ESRRG: variants seen among roughly 807,000 people sequenced by gnomAD.
The protein encoded by ESRRG is estrogen-related receptor gamma.
In ESRRG, 13 loss-of-function variants were observed where a neutral mutation model predicts 44.0. The ratio of observed to expected loss-of-function variants is 0.30; its 90% CI spans 0.19 to 0.47. ESRRG has a LOEUF of 0.47. Among genes scored for constraint, ESRRG ranks in the 20% least tolerant of loss-of-function variants. The probability of loss-of-function intolerance (pLI) is 1.00; values close to 1 mark genes in which losing one functional copy is unlikely to be tolerated. For synonymous variants in ESRRG, 215 were observed against 214.6 expected (o/e 1.00, Z -0.02); for missense variants, 395 against 580.6 (o/e 0.68, Z 3.29).
chr1:217,050,177 T>C (rs1405503240), intron 1 of ESRRG, among the ~76,000 whole-genome samples: 1 of 152,148 alleles, frequency 6.6e-6, no homozygotes, highest in East Asian at 1.9e-4. Flanking sequence ...TCTACAGTGA[T>C]GTGCCAAGAT....
chr1:216,527,611 C>A (rs2048063533), intron 5 of ESRRG, among the ~76,000 whole-genome samples: 1 of 152,072 alleles, frequency 6.6e-6, no homozygotes. Context: ...ATGTCAAAAC[C>A]TACAGCTCCA....
At chr1:216,877,027 T>C (rs1237515474) in intron 2 of ESRRG, among the ~76,000 whole-genome samples, 1 of 150,142 alleles carries the variant, frequency 6.7e-6, no homozygotes, top group Non-Finnish European at 1.5e-5. Context: ...CTATGAAGCA[T>C]GGAAGAATAA....
rs145462432 is a variant in ESRRG, at chr1:216,648,783, T to C, written c.589+2190A>G. 9.1e-4 allele frequency among the ~76,000 whole-genome samples: 139 copies of C among 152,240 alleles called. 1 individual carries two copies. The highest frequency in any genetic ancestry group is 3.0e-3 in the African/African-American group (124 of 41,554). ...ATCAATACAAGTGTTCATTGTTGTA[T>C]TAATTTTAGAACTTTTTAAAAAATG... On this transcript the variant is annotated intron_variant, in intron 3 of 6. Coordinates refer to ENST00000408911, the MANE Select transcript of ESRRG (RefSeq NM_001438.4).
chr1:216,511,967 A>G (rs2042856506), intron 6 of ESRRG, among the ~76,000 whole-genome samples: 1 of 152,228 alleles, frequency 6.6e-6, no homozygotes, highest in South Asian at 2.1e-4. Context: ...ATAAAGAGAA[A>G]TAATCAAGCA....
intron 1 of ESRRG, among the ~76,000 whole-genome samples, chr1:217,123,075 T>C (rs2092843023): frequency 6.6e-6 from 1 of 152,152 alleles, no homozygotes; most frequent in Non-Finnish European, 1.5e-5. Context: ...CCCAACTTGA[T>C]GCAAAACAGC....
chr1:216,581,299 A>G (rs1312795355), intron 3 of ESRRG, among the ~76,000 whole-genome samples: 1 of 152,218 alleles, frequency 6.6e-6, no homozygotes, highest in Admixed American at 6.5e-5. Context: ...CAGAAATCAC[A>G]TTATGTATAG....
chr1:216,584,458 G>A (rs899825482), intron 3 of ESRRG, among the ~76,000 whole-genome samples: 16 of 151,814 alleles, frequency 1.1e-4, no homozygotes, highest in Admixed American at 2.6e-4. Context: ...GGGTTTCACC[G>A]TGTTGGCCAG....
intron 6 of ESRRG, among the ~76,000 whole-genome samples, chr1:216,514,344 T>C (rs923274506): frequency 9.9e-5 from 15 of 152,164 alleles, no homozygotes; most frequent in African/African-American, 3.6e-4. Flanking sequence ...TGATTTCTTA[T>C]TTACCTGATA....
chr1:216,544,074 G>C (rs1461841509), intron 5 of ESRRG, among the ~76,000 whole-genome samples: 1 of 151,952 alleles, frequency 6.6e-6, no homozygotes. Flanking sequence ...AGACAAAATA[G>C]GTGGATGATG....
intron 1 of ESRRG, among the ~76,000 whole-genome samples, chr1:216,716,597 A>G (rs1013161601): frequency 6.6e-6 from 1 of 151,994 alleles, no homozygotes; most frequent in Non-Finnish European, 1.5e-5. Flanking sequence ...AAAAGTATAT[A>G]TGAAATTTTG....
intron 1 of ESRRG, among the ~76,000 whole-genome samples, chr1:216,971,827 T>C (rs1001359252): frequency 6.6e-6 from 1 of 152,162 alleles, no homozygotes; most frequent in Non-Finnish European, 1.5e-5. Flanking sequence ...TTGGTAGACA[T>C]TGTCTTCTTT....
intron 2 of ESRRG, among the ~76,000 whole-genome samples, chr1:216,881,363 C>A (rs904719058): frequency 6.6e-6 from 1 of 152,118 alleles, no homozygotes; most frequent in Admixed American, 6.5e-5. Context: ...GCATCAATAA[C>A]AATGGAAAGT....
At chr1:216,654,838 A>T (rs2070032904) in intron 2 of ESRRG, among the ~76,000 whole-genome samples, 1 of 152,200 alleles carries the variant, frequency 6.6e-6, no homozygotes, top group Non-Finnish European at 1.5e-5. Context: ...GGATAAGAAT[A>T]AAAGGAAAAC....
chr1:216,844,274 A>G (rs762084668), intron 2 of ESRRG, among the ~76,000 whole-genome samples: 5 of 152,144 alleles, frequency 3.3e-5, no homozygotes, highest in Non-Finnish European at 5.9e-5. Flanking sequence ...AGGAAGAACT[A>G]AATAGGTGGG....
chr1:216,952,090 T>G (rs2067060566), intron 1 of ESRRG, among the ~76,000 whole-genome samples: 1 of 152,102 alleles, frequency 6.6e-6, no homozygotes, highest in Non-Finnish European at 1.5e-5. Context: ...AATCAACTTG[T>G]GTAAACGATC....
chr1:216,945,145 C>G (rs1422584780), intron 1 of ESRRG, among the ~76,000 whole-genome samples: 1 of 151,884 alleles, frequency 6.6e-6, no homozygotes, highest in African/African-American at 2.4e-5. Context: ...AAAGCCTAAA[C>G]CCAAATGAAA....
At chr1:217,137,358 A>T (rs1024881931) in intron 1 of ESRRG, among the ~76,000 whole-genome samples, 4 of 152,190 alleles carry the variant, frequency 2.6e-5, no homozygotes, top group Admixed American at 2.6e-4. Flanking sequence ...GTTTGGAAAG[A>T]GTGGAAAAAT....
At chr1:217,136,266 T>C (rs553792478) in intron 1 of ESRRG, among the ~76,000 whole-genome samples, 9 of 152,154 alleles carry the variant, frequency 5.9e-5, no homozygotes, top group Admixed American at 1.3e-4. Flanking sequence ...CGCCAGGAGT[T>C]GGCGTTTTCC....
intron 3 of ESRRG, among the ~76,000 whole-genome samples, chr1:216,611,580 A>T (rs2060674633): frequency 6.6e-6 from 1 of 152,058 alleles, no homozygotes; most frequent in South Asian, 2.1e-4. Context: ...ATCAGTATTG[A>T]CGGAACATGA....
Sources: allele counts gnomAD v4.1 joint callset (sites outside exome capture counted in the v4.1 genomes callset), GRCh38; gene constraint gnomAD v4.1.1; transcripts MANE v1.5; gene names NCBI Gene and HGNC (gene_info 2026-07-23, HGNC 2026-07-21).